The following TMTC2 variants were observed in gnomAD, a reference collection of about 807,000 sequenced individuals.
TMTC2 encodes the protein transmembrane O-mannosyltransferase targeting cadherins 2.
Under a neutral mutation model 82.4 loss-of-function variants are expected in TMTC2, and 43 were observed. The observed-to-expected ratio is 0.52, with a 90% CI of 0.41 to 0.67. The LOEUF (loss-of-function observed/expected upper bound fraction) is 0.67, where lower values mean the gene tolerates loss of function less well. TMTC2 is among the 30% of genes least tolerant of loss of function. The probability of loss-of-function intolerance (pLI) is 0.00; values close to 1 mark genes in which losing one functional copy is unlikely to be tolerated. For missense variants in TMTC2, 919 were observed against 1,012.4 expected, an observed-to-expected ratio of 0.91 and a Z score of 1.25; for synonymous variants, 408 against 381.9, an observed-to-expected ratio of 1.07 and a Z score of -0.80.
At position 82,865,266 on chromosome 12, in the gene TMTC2, A is replaced by G. The variant is rs1331886189; in HGVS notation, c.654+7686A>G. The stretch of plus-strand genomic sequence containing the variant: ...TCACTGTGCTGTATTCAGGAAACCC[A>G]TGTCACGTGCAGAGACACACATAGG... On this transcript the variant is annotated intron_variant, in intron 2 of 11. Coordinates refer to ENST00000321196, the MANE Select transcript of TMTC2 (RefSeq NM_152588.3). 1.1e-4 allele frequency among the ~76,000 whole-genome samples: 16 copies of G among 152,242 alleles called. No homozygotes were observed. The South Asian group carries it at 1.9e-3, about 18-fold the overall frequency.
intron 1 of TMTC2, among the ~76,000 whole-genome samples, chr12:82,779,318 G>C (rs1877776511): frequency 6.6e-6 from 1 of 151,952 alleles, no homozygotes; most frequent in Admixed American, 6.6e-5. Context: ...TTTAGGCAGG[G>C]GATGTCAGGA....
chr12:82,901,554 G>A (rs1005985667), intron 3 of TMTC2, among the ~76,000 whole-genome samples: 12 of 151,566 alleles, frequency 7.9e-5, no homozygotes, highest in East Asian at 5.8e-4. Context: ...CACCCGCCTC[G>A]GCCTCCCAAA....
At chr12:82,961,658 G>A (rs1877941048) in intron 4 of TMTC2, among the ~76,000 whole-genome samples, 1 of 151,940 alleles carries the variant, frequency 6.6e-6, no homozygotes, top group Non-Finnish European at 1.5e-5. Flanking sequence ...TCTTTTTACT[G>A]TGGGGTGCTT....
intron 11 of TMTC2, among the ~76,000 whole-genome samples, chr12:83,071,273 G>A (rs1381475383): frequency 1.3e-5 from 2 of 151,086 alleles, no homozygotes; most frequent in Non-Finnish European, 2.9e-5. Context: ...TCCTGCCTCA[G>A]CCTCCTGAGT....
At chr12:82,840,087 C>T (rs951727153) in intron 1 of TMTC2, among the ~76,000 whole-genome samples, 2 of 152,150 alleles carry the variant, frequency 1.3e-5, no homozygotes, top group Admixed American at 6.5e-5. Flanking sequence ...AAAAAGTGCT[C>T]GCCTACAGCA....
intron 2 of TMTC2, among the ~76,000 whole-genome samples, chr12:82,893,696 T>A (rs1198131824): frequency 2.0e-5 from 3 of 151,836 alleles, no homozygotes; most frequent in Non-Finnish European, 4.4e-5. Flanking sequence ...CCCTTTTAGA[T>A]TAAAAAAAAA....
intron 1 of TMTC2, among the ~76,000 whole-genome samples, chr12:82,730,859 T>TA (rs1874765093): frequency 6.6e-6 from 1 of 152,154 alleles, no homozygotes; most frequent in African/African-American, 2.4e-5. Flanking sequence ...TCTAGAGAGG[T>TA]AAAATCAAAC....
chr12:82,947,511 T>A (rs1382463405), intron 4 of TMTC2, among the ~76,000 whole-genome samples: 3 of 136,012 alleles, frequency 2.2e-5, no homozygotes, highest in Non-Finnish European at 4.4e-5. Flanking sequence ...CCCGGCTAAT[T>A]TTTTGTATTT....
At chr12:82,697,103 T>C (rs1195356271) in intron 1 of TMTC2, among the ~76,000 whole-genome samples, 1 of 151,650 alleles carries the variant, frequency 6.6e-6, no homozygotes, top group African/African-American at 2.4e-5. Context: ...CCCAGTACTT[T>C]GGGAGGCCGA....
chr12:83,114,628 A>C (rs1391433637), intron 11 of TMTC2, among the ~76,000 whole-genome samples: 3 of 152,214 alleles, frequency 2.0e-5, no homozygotes, highest in Admixed American at 1.3e-4. Flanking sequence ...TTTCCACAAT[A>C]TATAAACTAT....
At chr12:83,049,554 A>G (rs1177116637) in intron 9 of TMTC2, among the ~76,000 whole-genome samples, 1 of 152,082 alleles carries the variant, frequency 6.6e-6, no homozygotes, top group Non-Finnish European at 1.5e-5. Flanking sequence ...TTCTTTATCC[A>G]TTCTACCATT....
intron 2 of TMTC2, among the ~76,000 whole-genome samples, chr12:82,870,645 T>C (rs1224197344): frequency 1.3e-5 from 2 of 152,188 alleles, no homozygotes; most frequent in Non-Finnish European, 2.9e-5. Context: ...TACTTGTAAC[T>C]CCAGAAATGC....
chr12:83,014,997 C>A (rs1264426182), intron 8 of TMTC2, among the ~76,000 whole-genome samples: 1 of 152,136 alleles, frequency 6.6e-6, no homozygotes, highest in Non-Finnish European at 1.5e-5. Context: ...CCCAAGTAGT[C>A]CCGCTTTTCT....
intron 3 of TMTC2, among the ~76,000 whole-genome samples, chr12:82,907,508 T>A (rs1039131606): frequency 6.6e-6 from 1 of 151,368 alleles, no homozygotes; most frequent in Non-Finnish European, 1.5e-5. Context: ...CACAGAAATG[T>A]TTTCCTGTTG....
At chr12:82,827,668 C>T (rs1023089076) in intron 1 of TMTC2, among the ~76,000 whole-genome samples, 1 of 151,004 alleles carries the variant, frequency 6.6e-6, no homozygotes, top group Non-Finnish European at 1.5e-5. Flanking sequence ...CTTTTCTTTT[C>T]TTTTCTTTCT....
At chr12:82,746,202 T>C (rs1308620954) in intron 1 of TMTC2, among the ~76,000 whole-genome samples, 1 of 152,216 alleles carries the variant, frequency 6.6e-6, no homozygotes, top group Non-Finnish European at 1.5e-5. Flanking sequence ...CAAGAAATAT[T>C]TTTGCCCATT....
intron 9 of TMTC2, among the ~76,000 whole-genome samples, chr12:83,044,103 C>T (rs1882000209): frequency 1.3e-5 from 2 of 152,128 alleles, no homozygotes; most frequent in African/African-American, 4.8e-5. Context: ...TTTACTGCAC[C>T]TCTGCCTAAG....
intron 1 of TMTC2, among the ~76,000 whole-genome samples, chr12:82,694,579 G>A (rs1032644188): frequency 5.3e-5 from 8 of 152,172 alleles, no homozygotes; most frequent in Admixed American, 3.3e-4. Flanking sequence ...GGTATGAAGT[G>A]TGGCACAGCA....
At chr12:82,925,647 A>G (rs1386771003) in intron 3 of TMTC2, among the ~76,000 whole-genome samples, 1 of 152,158 alleles carries the variant, frequency 6.6e-6, no homozygotes, top group Non-Finnish European at 1.5e-5. Flanking sequence ...TTTTTTAATT[A>G]TTATATCTGT....
Sources: gnomAD v4.1 joint callset for allele counts (sites outside exome capture counted in the v4.1 genomes callset) on GRCh38, gnomAD v4.1.1 for gene constraint, MANE v1.5 for transcripts, NCBI Gene and HGNC (gene_info 2026-07-23, HGNC 2026-07-21) for gene names.